EDARADD: variants seen among roughly 807,000 people sequenced by gnomAD.
EDARADD encodes EDAR associated via death domain, also known as ectodysplasin-A receptor-associated adapter protein.
A neutral mutation model predicts 25.6 loss-of-function variants in EDARADD; 20 were observed. The ratio of observed to expected loss-of-function variants is 0.78; its 90% CI spans 0.55 to 1.14. EDARADD has a LOEUF of 1.14. EDARADD is among the 50% of genes most tolerant of loss of function. The pLI is 0.00. For missense variants in EDARADD, 225 were observed against 270.1 expected, an observed-to-expected ratio of 0.83 and a Z score of 1.17; for synonymous variants, 86 against 94.4, an observed-to-expected ratio of 0.91 and a Z score of 0.52.
In EDARADD at chr1:236,395,349, C is replaced by T; in HGVS notation, c.61+844C>T. 1 of 1,329,306 alleles carries T rather than the reference C, an allele frequency of 7.5e-7. No individual in the cohort carries two copies. 82.3% of individuals were successfully genotyped at this position (1,329,306 alleles called of 1,614,324 possible). The stretch of plus-strand genomic sequence containing the variant: ...CTTGCGTCCCAGCCCCGGGTCGCGG[C>T]ACCCCGGCTCCCGCCCCGCGCCTCT... On this transcript the variant is annotated intron_variant, in intron 1 of 5. Coordinates refer to ENST00000334232, the MANE Select transcript of EDARADD (RefSeq NM_145861.4). The surrounding 1 kb of genome is among the most constrained non-coding windows in gnomAD (Gnocchi z 6.9).
intron 3 of EDARADD, among the ~76,000 whole-genome samples, chr1:236,362,216 T>C (rs1466057968): frequency 1.3e-5 from 2 of 152,176 alleles, no homozygotes; most frequent in South Asian, 2.1e-4. Context: ...TTGGGATTAC[T>C]TGTCATCTTT....
At position 236,415,557 on chromosome 1, in the gene EDARADD, T is replaced by A. The variant is rs562543996; in HGVS notation, c.160+1258T>A. Among the ~76,000 whole-genome samples the A allele has an allele frequency of 3.9e-5, 6 of 152,278 alleles. No individual in the cohort carries two copies. In the South Asian group the frequency reaches 1.2e-3, roughly 32 times the overall value. On this transcript the variant is annotated intron_variant, in intron 3 of 5. Transcript: ENST00000334232. ...GCCTCCCGGGTTCAAGCGATTCTCC[T>A]CCCTCAGCCTTCCAAGTAGCTGGGA...
intron 3 of EDARADD, among the ~76,000 whole-genome samples, chr1:236,379,570 G>C (rs972524842): frequency 6.6e-6 from 1 of 151,986 alleles, no homozygotes; most frequent in African/African-American, 2.4e-5. Flanking sequence ...CCTCAGGTCA[G>C]GAGTTCGACA....
intron 1 of EDARADD, among the ~76,000 whole-genome samples, chr1:236,402,003 C>T (rs1427681263): frequency 3.3e-5 from 5 of 152,100 alleles, no homozygotes; most frequent in African/African-American, 1.2e-4. Context: ...CTCTTGTTGC[C>T]CAGGCTGGAG....
At chr1:236,363,924 G>A (rs55850126) in intron 3 of EDARADD, among the ~76,000 whole-genome samples, 396 of 152,084 alleles carry the variant, frequency 2.6e-3, no homozygotes, top group African/African-American at 9.1e-3. Context: ...CCAGCACTTC[G>A]GGAGGCCAAG....
intron 4 of EDARADD, among the ~76,000 whole-genome samples, chr1:236,465,315 G>A (rs1318853470): frequency 1.3e-5 from 2 of 152,184 alleles, no homozygotes; most frequent in African/African-American, 4.8e-5. Context: ...CTGTTGTCCG[G>A]AATGACGTCC....
At chr1:236,461,346 C>T (rs1183644785) in intron 4 of EDARADD, among the ~76,000 whole-genome samples, 1 of 152,054 alleles carries the variant, frequency 6.6e-6, no homozygotes, top group Non-Finnish European at 1.5e-5. Context: ...AGATAGGGGT[C>T]TAGTTTCATT....
At chr1:236,456,073 G>A (rs1658855642) in intron 4 of EDARADD, among the ~76,000 whole-genome samples, 1 of 152,084 alleles carries the variant, frequency 6.6e-6, no homozygotes, top group Non-Finnish European at 1.5e-5. Context: ...ATAGGCGTGA[G>A]CCACCGCGCC....
At chr1:236,466,644 C>G (rs1309267668) in intron 4 of EDARADD, among the ~76,000 whole-genome samples, 1 of 151,942 alleles carries the variant, frequency 6.6e-6, no homozygotes, top group Non-Finnish European at 1.5e-5. Context: ...TGTGTGAAAA[C>G]AAAACAAAAC....
At chr1:236,464,457 G>T (rs1470387827) in intron 4 of EDARADD, among the ~76,000 whole-genome samples, 4 of 111,066 alleles carry the variant, frequency 3.6e-5, no homozygotes, top group African/African-American at 1.4e-4. Context: ...TTTTGAGACA[G>T]AATCTCGCTC....
At chr1:236,351,309 A>AGG (rs918406926) in intron 3 of EDARADD, among the ~76,000 whole-genome samples, 1 of 152,236 alleles carries the variant, frequency 6.6e-6, no homozygotes, top group Admixed American at 6.5e-5. Context: ...GTTAAAGCAG[A>AGG]GGGGGCTTCC....
chr1:236,373,910 C>T (rs1348219349), intron 3 of EDARADD, among the ~76,000 whole-genome samples: 2 of 152,036 alleles, frequency 1.3e-5, no homozygotes, highest in African/African-American at 2.4e-5. Flanking sequence ...TGATTTCTTC[C>T]TTGATCCATG....
intron 4 of EDARADD, among the ~76,000 whole-genome samples, chr1:236,451,811 TC>T (rs1385303534): frequency 6.6e-6 from 1 of 151,944 alleles, no homozygotes; most frequent in Non-Finnish European, 1.5e-5. Flanking sequence ...CTCTCCCTCC[TC>T]CCCGGAGATG....
intron 5 of EDARADD, among the ~76,000 whole-genome samples, chr1:236,470,255 G>A (rs936517114): frequency 4.6e-5 from 7 of 152,090 alleles, no homozygotes; most frequent in Non-Finnish European, 1.0e-4. Flanking sequence ...AATAACCAAG[G>A]AAACTTCTAA....
intron 4 of EDARADD, among the ~76,000 whole-genome samples, chr1:236,464,098 G>A (rs554896316): frequency 9.9e-5 from 15 of 152,256 alleles, no homozygotes; most frequent in African/African-American, 2.2e-4. Flanking sequence ...ACAACCACAC[G>A]CGTGTTCTTC....
At chr1:236,389,940 G>A (rs1343348573), upstream of EDARADD, among the ~76,000 whole-genome samples, 1 of 152,122 alleles carries the variant, frequency 6.6e-6, no homozygotes, top group African/African-American at 2.4e-5. Context: ...ACCTCAGGAC[G>A]ACGACGCTGC....
At chr1:236,417,677 T>G (rs74656222) in intron 3 of EDARADD, among the ~76,000 whole-genome samples, 2,869 of 152,120 alleles carry the variant, frequency 0.019, 47 homozygotes, top group Non-Finnish European at 0.03. Context: ...ATCACGTGAT[T>G]CCCAGTATCT....
chr1:236,403,377 T>C (rs568841577), intron 1 of EDARADD, among the ~76,000 whole-genome samples: 14 of 152,314 alleles, frequency 9.2e-5, no homozygotes, highest in East Asian at 5.8e-4. Context: ...AACCTCCGCC[T>C]TCCGGGCTCA....
chr1:236,372,914 ATTTTTTTTT>A lies in EDARADD; in HGVS notation c.-6+22086_-6+22094del, dbSNP rs34634477. On this transcript the variant is annotated intron_variant, in intron 3 of 7. Transcript: ENST00000439430. ...GGATCATTGTGATGTCTCTTCTTAC[ATTTTTTTTT>A]TTTTTTTTTTGAGACAGAGTCGCTC... Among the ~76,000 whole-genome samples the A allele has an allele frequency of 3.5e-5, 4 of 113,610 alleles. 1 individual carries two copies. Among genetic ancestry groups the A allele is most frequent in the African/African-American group, 1.3e-4 (4 of 29,750 alleles). The allele number at this position is 113,610 out of a possible 152,430, so 74.5% of individuals were successfully genotyped here. A position where few individuals can be genotyped will look rare whatever the true frequency, so the allele number is the denominator to read the frequency against.
Sources: gnomAD v4.1 joint callset for allele counts (sites outside exome capture counted in the v4.1 genomes callset) on GRCh38, gnomAD v4.1.1 for gene constraint, Gnocchi (gnomAD v3.1) non-coding constraint, MANE v1.5 for transcripts, NCBI Gene and HGNC (gene_info 2026-07-23, HGNC 2026-07-21) for gene names.